The following WWOX variants were observed in gnomAD, a reference collection of about 807,000 sequenced individuals.
The protein encoded by WWOX is WW domain containing oxidoreductase, also known as WW domain-containing oxidoreductase.
In WWOX, 69 loss-of-function variants were observed where a neutral mutation model predicts 46.2. That is an observed-to-expected ratio of 1.49 (90% CI 1.23 to 1.82). WWOX has a LOEUF of 1.82. Ranked by LOEUF, WWOX falls within the 40% of genes most tolerant of loss-of-function variation. The pLI, the probability that WWOX is intolerant of heterozygous loss-of-function variation, is 0.00. For synonymous variants in WWOX, 359 were observed against 202.6 expected (o/e 1.77, Z -6.56); for missense variants, 919 against 542.6 (o/e 1.69, Z -6.89).
intron 5 of WWOX, among the ~76,000 whole-genome samples, chr16:78,236,727 C>T (rs1289466781): frequency 5.3e-5 from 8 of 152,096 alleles, no homozygotes; most frequent in Non-Finnish European, 1.2e-4. Flanking sequence ...CCACAGTGGA[C>T]ACCAGAGAGG....
chr16:79,192,075 G>T (rs879272501), intron 8 of WWOX, among the ~76,000 whole-genome samples: 3 of 152,198 alleles, frequency 2.0e-5, no homozygotes, highest in Non-Finnish European at 4.4e-5. Flanking sequence ...ATAAGGGATG[G>T]GGAATTAGTC....
chr16:78,151,113 G>T (rs76144510), intron 4 of WWOX, among the ~76,000 whole-genome samples: 6,874 of 150,944 alleles, frequency 0.046, 292 homozygotes, highest in East Asian at 0.25. Context: ...TTGGGTTTAA[G>T]TGATCCTCTT....
chr16:78,973,048 G>C (rs1302224098), intron 8 of WWOX, among the ~76,000 whole-genome samples: 2 of 152,188 alleles, frequency 1.3e-5, no homozygotes, highest in Non-Finnish European at 2.9e-5. Flanking sequence ...CTCAGCTGTT[G>C]TTTCCCCTGG....
At chr16:78,335,149 C>T (rs11646272) in intron 5 of WWOX, among the ~76,000 whole-genome samples, 30,364 of 152,020 alleles carry the variant, frequency 0.2, 3,615 homozygotes, top group East Asian at 0.45. Flanking sequence ...ACTTTAAGTT[C>T]CAGGGTACAT....
At chr16:78,759,475 G>T (rs375814115) in intron 8 of WWOX, among the ~76,000 whole-genome samples, 3 of 152,176 alleles carry the variant, frequency 2.0e-5, no homozygotes, top group Non-Finnish European at 2.9e-5. Flanking sequence ...GGTGGTGTTT[G>T]CCCTTGAAGC....
At chr16:78,384,900 C>G (rs979767699) in intron 5 of WWOX, among the ~76,000 whole-genome samples, 1 of 152,060 alleles carries the variant, frequency 6.6e-6, no homozygotes, top group Non-Finnish European at 1.5e-5. Flanking sequence ...CTTTCGGAGG[C>G]CGGGGTGGGT....
chr16:78,718,106 T>C (rs921118635), intron 8 of WWOX, among the ~76,000 whole-genome samples: 5 of 151,656 alleles, frequency 3.3e-5, no homozygotes, highest in Non-Finnish European at 5.9e-5. Flanking sequence ...TATTTTTGCC[T>C]CAACGGTTAT....
chr16:78,579,211 A>T (rs1385420467), intron 8 of WWOX, among the ~76,000 whole-genome samples: 2 of 152,174 alleles, frequency 1.3e-5, no homozygotes, highest in East Asian at 3.9e-4. Context: ...ACTAACTACC[A>T]GGGATGAAAA....
intron 5 of WWOX, among the ~76,000 whole-genome samples, chr16:78,334,611 G>A (rs1450398624): frequency 6.6e-6 from 1 of 152,070 alleles, no homozygotes; most frequent in Non-Finnish European, 1.5e-5. Flanking sequence ...ACATAGAGTT[G>A]TGTATTGTTG....
chr16:78,101,554 C>CA (rs1190304930), intron 1 of WWOX, among the ~76,000 whole-genome samples: 1 of 152,012 alleles, frequency 6.6e-6, no homozygotes, highest in Non-Finnish European at 1.5e-5. Context: ...CTCCTGGCCT[C>CA]AAGTGATCCG....
chr16:78,991,564 G>C (rs1011411207), intron 8 of WWOX, among the ~76,000 whole-genome samples: 7 of 132,108 alleles, frequency 5.3e-5, no homozygotes, highest in African/African-American at 2.0e-4. Flanking sequence ...TTGCACCACT[G>C]CACTCCAGAC....
chr16:78,609,574 C>A (rs952697974), intron 8 of WWOX, among the ~76,000 whole-genome samples: 15 of 150,896 alleles, frequency 9.9e-5, no homozygotes, highest in African/African-American at 3.2e-4. Context: ...ACTCCTCATA[C>A]CCCTCCTAGG....
intron 8 of WWOX, among the ~76,000 whole-genome samples, chr16:79,114,493 G>A (rs2049475251): frequency 6.6e-6 from 1 of 151,626 alleles, no homozygotes; most frequent in Admixed American, 6.6e-5. Context: ...GGCAGATACT[G>A]GAGCGATGCT....
chr16:79,040,502 C>T (rs1248434696), intron 8 of WWOX, among the ~76,000 whole-genome samples: 1 of 152,066 alleles, frequency 6.6e-6, no homozygotes. Flanking sequence ...TCTCGAACTC[C>T]TGAGCTCAGG....
At chr16:78,921,820 G>A (rs1181678536) in intron 8 of WWOX, among the ~76,000 whole-genome samples, 1 of 152,230 alleles carries the variant, frequency 6.6e-6, no homozygotes, top group Non-Finnish European at 1.5e-5. Context: ...GCAAGTTTGA[G>A]GTGGTCCTCA....
At chr16:78,203,365 A>G (rs2036291632) in intron 5 of WWOX, among the ~76,000 whole-genome samples, 1 of 152,168 alleles carries the variant, frequency 6.6e-6, no homozygotes, top group African/African-American at 2.4e-5. Context: ...AAGTTTAATG[A>G]TGGGTAGGTT....
intron 8 of WWOX, among the ~76,000 whole-genome samples, chr16:79,138,941 G>T (rs374477217): frequency 6.6e-6 from 1 of 152,100 alleles, no homozygotes; most frequent in Non-Finnish European, 1.5e-5. Flanking sequence ...AGGCTTACAG[G>T]CAATCCATTC....
At chr16:78,978,521 A>G (rs1236317749) in intron 8 of WWOX, among the ~76,000 whole-genome samples, 1 of 152,154 alleles carries the variant, frequency 6.6e-6, no homozygotes, top group Non-Finnish European at 1.5e-5. Flanking sequence ...GCACTGCTAT[A>G]AAGAAATGCC....
chr16:78,104,949 T>C (rs546022566), intron 1 of WWOX, among the ~76,000 whole-genome samples: 1 of 152,172 alleles, frequency 6.6e-6, no homozygotes, highest in South Asian at 2.1e-4. Context: ...GGCTGGCAAA[T>C]GGGAGACCCA....
Sources: gnomAD v4.1 joint callset for allele counts (sites outside exome capture counted in the v4.1 genomes callset) on GRCh38, gnomAD v4.1.1 for gene constraint, MANE v1.5 for transcripts, NCBI Gene and HGNC (gene_info 2026-07-23, HGNC 2026-07-21) for gene names.